The following CLASP2 variants were observed in gnomAD, a reference collection of about 807,000 sequenced individuals.
CLASP2 encodes CLIP-associating protein 2.
A neutral mutation model predicts 194.4 loss-of-function variants in CLASP2; 47 were observed. The ratio of observed to expected loss-of-function variants is 0.24; its 90% CI spans 0.19 to 0.31. The LOEUF is 0.31. CLASP2 is among the 10% of genes least tolerant of loss of function. The pLI, the probability that CLASP2 is intolerant of heterozygous loss-of-function variation, is 1.00. For missense variants in CLASP2, 1,445 were observed against 1,823.6 expected, an observed-to-expected ratio of 0.79 and a Z score of 3.78; for synonymous variants, 619 against 633.5, an observed-to-expected ratio of 0.98 and a Z score of 0.34.
chr3:33,511,275 A>G (rs1338021405), intron 36 of CLASP2, among the ~76,000 whole-genome samples: 1 of 152,092 alleles, frequency 6.6e-6, no homozygotes, highest in Non-Finnish European at 1.5e-5. Flanking sequence ...CCAGAGCTCC[A>G]GCAATCCTCC....
chr3:33,627,858 G>C (rs967899793), intron 9 of CLASP2, among the ~76,000 whole-genome samples: 2 of 152,184 alleles, frequency 1.3e-5, no homozygotes, highest in African/African-American at 4.8e-5. Context: ...AAAGTGGACA[G>C]ATTTGCTTTC....
At chr3:33,622,072 A>C in intron 11 of CLASP2, 63 bp downstream of exon 11, 2 of 1,232,072 alleles carry the variant, frequency 1.6e-6, no homozygotes, top group Non-Finnish European at 2.2e-6. Flanking sequence ...CTTAATGAGC[A>C]ATGAATCAGT....
chr3:33,540,359 A>G (rs2058140752), intron 32 of CLASP2, among the ~76,000 whole-genome samples: 1 of 151,060 alleles, frequency 6.6e-6, no homozygotes. Context: ...GCATCAGCCT[A>G]TCAAGTTGCT....
chr3:33,706,163 A>C (rs2092672772), intron 1 of CLASP2, among the ~76,000 whole-genome samples: 1 of 152,096 alleles, frequency 6.6e-6, no homozygotes, highest in Admixed American at 6.5e-5. Context: ...TGGAAGGATC[A>C]CCTGAGCCCG....
At chr3:33,675,150 A>G (rs2088272933) in intron 6 of CLASP2, among the ~76,000 whole-genome samples, 1 of 152,178 alleles carries the variant, frequency 6.6e-6, no homozygotes, top group Admixed American at 6.5e-5. Flanking sequence ...AGAACTTTAG[A>G]CCAATATCCT....
intron 29 of CLASP2, chr3:33,554,950 T>C (rs982694226): frequency 6.6e-6 from 1 of 152,252 alleles, no homozygotes; most frequent in East Asian, 1.9e-4. Flanking sequence ...TATGAATATG[T>C]GGGGTAAGAA....
chr3:33,573,665 C>T (rs1302888950), intron 24 of CLASP2, among the ~76,000 whole-genome samples: 2 of 151,966 alleles, frequency 1.3e-5, no homozygotes, highest in Non-Finnish European at 2.9e-5. Flanking sequence ...CACGAAAAAC[C>T]AAGAACTACT....
At chr3:33,677,917 C>T (rs2089096467) in intron 6 of CLASP2, among the ~76,000 whole-genome samples, 1 of 131,050 alleles carries the variant, frequency 7.6e-6, no homozygotes, top group African/African-American at 2.8e-5. Context: ...GAAAGAAATT[C>T]TAACAAAGTA....
At chr3:33,651,655 C>A (rs1559533627) in intron 7 of CLASP2, among the ~76,000 whole-genome samples, 1 of 136,646 alleles carries the variant, frequency 7.3e-6, no homozygotes, top group Non-Finnish European at 1.6e-5. Flanking sequence ...CTTTCCACCT[C>A]ACTTTTTTTT....
At chr3:33,583,120 A>C (rs1004899812) in intron 22 of CLASP2, among the ~76,000 whole-genome samples, 1 of 152,210 alleles carries the variant, frequency 6.6e-6, no homozygotes, top group Non-Finnish European at 1.5e-5. Context: ...AGCAAATAGG[A>C]ATCTCAAGAA....
intron 31 of CLASP2, among the ~76,000 whole-genome samples, chr3:33,544,111 T>C (rs2058787991): frequency 6.6e-6 from 1 of 152,188 alleles, no homozygotes; most frequent in South Asian, 2.1e-4. Context: ...TTCAGTTCAA[T>C]TCTTTAGGCA....
Position 33,693,579 on chromosome 3 carries a change from A to G in CLASP2, c.274+3276T>C, listed in dbSNP as rs138574134. Among the ~76,000 whole-genome samples the G allele has an allele frequency of 6.2e-3, 946 of 152,322 alleles. 6 individuals are homozygous for G. The highest frequency in any genetic ancestry group is 9.1e-3 in the Non-Finnish European group (622 of 68,020). On this transcript the variant is annotated intron_variant, in intron 2 of 38. Transcript: ENST00000682230. ...TGCCAATCTTGCAGAGCTGTTCTAC[A>G]AATTAGAAATGAAGTGAGGATAATC...
intron 7 of CLASP2, among the ~76,000 whole-genome samples, chr3:33,649,384 A>T (rs2082806762): frequency 2.6e-5 from 4 of 152,132 alleles, no homozygotes; most frequent in Admixed American, 2.6e-4. Flanking sequence ...AACTTTTGTC[A>T]ACTTTGCCCC....
chr3:33,575,320 A>T (rs2064623040), intron 24 of CLASP2, among the ~76,000 whole-genome samples: 1 of 152,216 alleles, frequency 6.6e-6, no homozygotes, highest in Non-Finnish European at 1.5e-5. Flanking sequence ...GAATATTTTT[A>T]AAAACCTGCC....
chr3:33,592,369 T>A, intron 21 of CLASP2, 26 bp downstream of exon 21: 1 of 1,473,100 alleles, frequency 6.8e-7, no homozygotes, highest in Non-Finnish European at 9.5e-7. Context: ...GTGACAAATA[T>A]AGGAGGGCTG....
rs561177489 is a variant in CLASP2 at position 33,521,964 on chromosome 3, G to A, written c.3788-4790C>T. On this transcript the variant is annotated intron_variant, in intron 34 of 38. Coordinates refer to ENST00000682230, the MANE Select transcript of CLASP2 (RefSeq NM_001365631.1). ...TTGCACACAGCTTGTGGGAATCAGG[G>A]CATGAAAAAAGAACCTTATCCTGCG... Among the ~76,000 whole-genome samples the A allele has an allele frequency of 1.3e-3, 196 of 151,596 alleles. 2 individuals are homozygous for A. The highest frequency in any genetic ancestry group is 4.5e-3 in the African/African-American group (188 of 41,378).
chr3:33,536,461 G>C (rs1370009413), intron 33 of CLASP2, among the ~76,000 whole-genome samples: 1 of 152,142 alleles, frequency 6.6e-6, no homozygotes, highest in Non-Finnish European at 1.5e-5. Context: ...AGAGAAAACA[G>C]CCAATACACA....
At chr3:33,672,252 A>G (rs2087436434) in intron 6 of CLASP2, among the ~76,000 whole-genome samples, 1 of 152,194 alleles carries the variant, frequency 6.6e-6, no homozygotes, top group Non-Finnish European at 1.5e-5. Context: ...CAAAACTTCC[A>G]GAGGAACGAG....
At chr3:33,647,637 G>A (rs1244866429) in intron 7 of CLASP2, among the ~76,000 whole-genome samples, 2 of 152,180 alleles carry the variant, frequency 1.3e-5, no homozygotes, top group East Asian at 1.9e-4. Flanking sequence ...ACAAACGAGT[G>A]CAGTTGTGCT....
Sources: gnomAD v4.1 joint callset for allele counts (sites outside exome capture counted in the v4.1 genomes callset) on GRCh38, gnomAD v4.1.1 for gene constraint, MANE v1.5 for transcripts, NCBI Gene and HGNC (gene_info 2026-07-23, HGNC 2026-07-21) for gene names.